Variants in RCOR1 observed in about 807,000 individuals in gnomAD.
RCOR1 encodes the protein REST corepressor.
A neutral mutation model predicts 64.0 loss-of-function variants in RCOR1; 12 were observed. The observed-to-expected ratio is 0.19, with a 90% CI of 0.12 to 0.30. RCOR1 has a LOEUF of 0.30. RCOR1 is among the 10% of genes least tolerant of loss of function. The probability of loss-of-function intolerance (pLI) is 1.00; values close to 1 mark genes in which losing one functional copy is unlikely to be tolerated. For synonymous variants in RCOR1, 279 were observed against 227.2 expected, an observed-to-expected ratio of 1.23 and a Z score of -2.05; for missense variants, 502 against 621.2, an observed-to-expected ratio of 0.81 and a Z score of 2.04.
chr14:102,643,248 C>A, intron 2 of RCOR1: 1 of 528,584 alleles, frequency 1.9e-6, no homozygotes, highest in Non-Finnish European at 2.4e-6. Context: ...CATGCCACTG[C>A]ACTCCAGCCT....
chr14:102,658,386 C>G (rs527350551), intron 2 of RCOR1: 30 of 342,784 alleles, frequency 8.8e-5, no homozygotes, highest in African/African-American at 6.5e-4. Flanking sequence ...GGCAGATCAC[C>G]TGAGGCATGA....
At chr14:102,710,338 A>G (rs1595241392) in intron 6 of RCOR1, among the ~76,000 whole-genome samples, 1 of 152,232 alleles carries the variant, frequency 6.6e-6, no homozygotes, top group East Asian at 1.9e-4. Flanking sequence ...ATTAAATGAA[A>G]TACTACATTC....
At chr14:102,631,263 C>T (rs545692181) in intron 2 of RCOR1, among the ~76,000 whole-genome samples, 5 of 149,814 alleles carry the variant, frequency 3.3e-5, no homozygotes, top group Admixed American at 1.3e-4. Context: ...AGTGCAGTGG[C>T]GCAATCTCGG....
intron 2 of RCOR1, chr14:102,657,570 G>A: frequency 1.0e-6 from 1 of 973,680 alleles, no homozygotes. Context: ...GGGTGCAGTG[G>A]ATCACACCTG....
intron 2 of RCOR1, among the ~76,000 whole-genome samples, chr14:102,673,446 C>T (rs572179980): frequency 1.3e-5 from 2 of 151,478 alleles, no homozygotes; most frequent in East Asian, 1.9e-4. Context: ...ACGTCATTCT[C>T]CTGCCTCAGC....
intron 2 of RCOR1, among the ~76,000 whole-genome samples, chr14:102,618,799 C>A (rs1455472379): frequency 6.6e-6 from 1 of 151,898 alleles, no homozygotes; most frequent in Non-Finnish European, 1.5e-5. Context: ...GGGGCATAAA[C>A]CTAGGGGCTT....
chr14:102,719,322 T>A (rs770479907), intron 8 of RCOR1, among the ~76,000 whole-genome samples: 1 of 152,188 alleles, frequency 6.6e-6, no homozygotes, highest in African/African-American at 2.4e-5. Context: ...TACATATGTA[T>A]GCATGTGCCA....
chr14:102,680,848 A>G (rs1895287245), intron 2 of RCOR1, among the ~76,000 whole-genome samples: 1 of 152,152 alleles, frequency 6.6e-6, no homozygotes, highest in Admixed American at 6.6e-5. Flanking sequence ...CTTTTTTGTC[A>G]TATTTCTTTC....
chr14:102,651,784 C>T (rs920949902), intron 2 of RCOR1, among the ~76,000 whole-genome samples: 2 of 152,118 alleles, frequency 1.3e-5, no homozygotes, highest in Non-Finnish European at 2.9e-5. Context: ...TAGCTCACTA[C>T]TGCTGCTGGC....
chr14:102,666,999 T>C (rs1894926395), intron 2 of RCOR1, among the ~76,000 whole-genome samples: 1 of 152,118 alleles, frequency 6.6e-6, no homozygotes, highest in African/African-American at 2.4e-5. Flanking sequence ...TTATGATCCA[T>C]ATCTCAGGAA....
At chr14:102,662,983 C>G (rs1043036267) in intron 2 of RCOR1, among the ~76,000 whole-genome samples, 5 of 152,142 alleles carry the variant, frequency 3.3e-5, no homozygotes, top group Non-Finnish European at 5.9e-5. Context: ...GGCTCTGTGT[C>G]CCCACGCAAA....
At chr14:102,602,378 TC>T (rs1239489487) in intron 2 of RCOR1, among the ~76,000 whole-genome samples, 2 of 129,364 alleles carry the variant, frequency 1.5e-5, no homozygotes, top group Admixed American at 1.8e-4. Context: ...AGCATTTTTT[TC>T]TTTTCTTTTC....
chr14:102,727,691 C>G lies in RCOR1; in HGVS notation c.*1185C>G, dbSNP rs1016422565. On this transcript the variant is annotated 3_prime_UTR_variant, in exon 12 of 12. Coordinates refer to ENST00000262241, the MANE Select transcript of RCOR1 (RefSeq NM_015156.4). Reference sequence around the variant, plus strand: ...TCAGAGTACAGGACAGAGAAGTGATCAATGTATTGGTCTAGTGAGACTGAG... The same window carrying G: ...TCAGAGTACAGGACAGAGAAGTGATGAATGTATTGGTCTAGTGAGACTGAG... 4 of 151,936 alleles carry G rather than the reference C, an allele frequency of 2.6e-5. No individual in the cohort carries two copies. The highest frequency in any genetic ancestry group is 9.7e-5 in the African/African-American group (4 of 41,338). 9.4% of individuals were successfully genotyped at this position (151,936 alleles called of 1,614,324 possible).
Position 102,726,614 on chromosome 14 carries a change from C to G in RCOR1, c.*108C>G. 1 of 961,930 alleles carries G rather than the reference C, an allele frequency of 1.0e-6. No individual in the cohort carries two copies. The highest frequency in any genetic ancestry group is 1.6e-6 in the Non-Finnish European group (1 of 627,030). The allele number at this position is 961,930 out of a possible 1,614,324, so 59.6% of individuals were successfully genotyped here. A position where few individuals can be genotyped will look rare whatever the true frequency, so the allele number is the denominator to read the frequency against. ...GCATCACATCTCTCTGGACAAGCAG[C>G]TATTACCAAAAAAGGCATATACTTC... On this transcript the variant is annotated 3_prime_UTR_variant, in exon 12 of 12. Transcript: ENST00000262241.
At chr14:102,723,802 C>T (rs973317349) in intron 11 of RCOR1, among the ~76,000 whole-genome samples, 5 of 152,146 alleles carry the variant, frequency 3.3e-5, no homozygotes, top group Non-Finnish European at 7.3e-5. Flanking sequence ...GTGTGTTTTC[C>T]GGCTTCGGTC....
intron 2 of RCOR1, among the ~76,000 whole-genome samples, chr14:102,670,920 C>G (rs1167111314): frequency 6.6e-6 from 1 of 151,796 alleles, no homozygotes; most frequent in Non-Finnish European, 1.5e-5. Flanking sequence ...ATTACAGGCA[C>G]CTGCCACCAT....
chr14:102,624,269 C>A (rs536276428), intron 2 of RCOR1, among the ~76,000 whole-genome samples: 2 of 151,690 alleles, frequency 1.3e-5, no homozygotes, highest in African/African-American at 4.8e-5. Context: ...TGTGGGAGGC[C>A]GAAGTGGGCG....
chr14:102,629,132 T>C (rs1225400853), intron 2 of RCOR1, among the ~76,000 whole-genome samples: 1 of 152,164 alleles, frequency 6.6e-6, no homozygotes, highest in Non-Finnish European at 1.5e-5. Flanking sequence ...TTTGCACTCA[T>C]TCATCTGCCT....
chr14:102,592,998 T>A lies in RCOR1; in HGVS notation c.112T>A (p.Cys38Ser). Residue 38 changes from cysteine to serine, a missense_variant, in exon 1 of 12, where the codon TGC (cysteine) becomes AGC (serine). Cys to Ser is a moderately radical substitution (Grantham distance 112, BLOSUM62 -1). Coordinates refer to ENST00000262241, the MANE Select transcript of RCOR1 (RefSeq NM_015156.4). ...CGCCTCCGCCGCCGCCTCGGCCGCC[T>A]GCGCCTCGCCAGCCGCCACTGCCGC... ...AAASAAASAA[C>S]ASPAATAASG... The A allele has an allele frequency of 8.5e-7, 1 of 1,178,548 alleles. No individual in the cohort carries two copies. The highest frequency in any genetic ancestry group is 1.0e-6 in the Non-Finnish European group (1 of 953,718). The allele number at this position is 1,178,548 out of a possible 1,614,324, so 73.0% of individuals were successfully genotyped here. A position where few individuals can be genotyped will look rare whatever the true frequency, so the allele number is the denominator to read the frequency against.
Sources: gnomAD v4.1 joint callset for allele counts (sites outside exome capture counted in the v4.1 genomes callset) on GRCh38, gnomAD v4.1.1 for gene constraint, MANE v1.5 for transcripts, NCBI Gene and HGNC (gene_info 2026-07-23, HGNC 2026-07-21) for gene names.